RBM27: variants seen among roughly 807,000 people sequenced by gnomAD.
RBM27 encodes the protein RNA binding motif protein 27.
RBM27 carries 22 observed loss-of-function variants against 135.3 expected under a neutral mutation model. That is an observed-to-expected ratio of 0.16 (90% confidence interval 0.12 to 0.23). The LOEUF (loss-of-function observed/expected upper bound fraction) is 0.23. Among genes scored for constraint, RBM27 ranks in the 10% least tolerant of loss-of-function variants. The pLI is 1.00. For synonymous variants in RBM27, 481 were observed against 442.4 expected (o/e 1.09, Z -1.10); for missense variants, 1,009 against 1,281.0 (o/e 0.79, Z 3.24).
At chr5:146,258,099 G>A (rs988946386) in intron 10 of RBM27, among the ~76,000 whole-genome samples, 19 of 152,054 alleles carry the variant, frequency 1.2e-4, no homozygotes, top group Admixed American at 2.0e-4. Context: ...AATTACAGGC[G>A]TGAGCCACCG....
At chr5:146,233,844 G>A in intron 7 of RBM27, 101 bp downstream of exon 7, 1 of 787,656 alleles carries the variant, frequency 1.3e-6, no homozygotes, top group Non-Finnish European at 1.8e-6. Context: ...GAGAAATAGA[G>A]TAATAATATA....
intron 19 of RBM27, among the ~76,000 whole-genome samples, chr5:146,276,871 A>G (rs560927303): frequency 6.6e-6 from 1 of 152,312 alleles, no homozygotes; most frequent in African/African-American, 2.4e-5. Context: ...CCTGGGCAGC[A>G]TAGTGAGACC....
intron 6 of RBM27, 117 bp from the exon 7 acceptor site, chr5:146,233,333 C>T (rs1757017385): frequency 1.4e-6 from 2 of 1,452,498 alleles, no homozygotes; most frequent in South Asian, 3.1e-5. Context: ...ACTTTGGATT[C>T]CTTGGAGAAA....
In RBM27 at chr5:146,285,956, A is replaced by G; in HGVS notation, c.3109A>G (p.Thr1037Ala). The change falls in exon 21 of 21, where the codon ACC becomes GCC. Residue 1037 changes from threonine to alanine, a missense_variant. Thr to Ala is a moderately conservative substitution (Grantham distance 58). Around this residue, in one of 6 missense-constraint regions of RBM27, gnomAD observed 355 missense variants for 427.3 expected, o/e 0.83. Coordinates refer to ENST00000265271, the MANE Select transcript of RBM27 (RefSeq NM_018989.2). ...EEEVKEEETE[T>A]SDLFLPDDDD... ...ACCTCTCTTTCTTCAGGAAACAGAA[A>G]CCTCAGATTTGTTTTTGCCTGATGA... The G allele has an allele frequency of 2.5e-6, 4 of 1,612,060 alleles. No homozygotes were observed. The highest frequency in any genetic ancestry group is 3.4e-6 in the Non-Finnish European group (4 of 1,178,758).
intron 11 of RBM27, among the ~76,000 whole-genome samples, chr5:146,260,169 T>C (rs1758329402): frequency 6.6e-6 from 1 of 151,264 alleles, no homozygotes; most frequent in African/African-American, 2.4e-5. Flanking sequence ...CGTGTTGGCA[T>C]GCACCTGTAA....
At chr5:146,231,286 G>A (rs928611143) in intron 6 of RBM27, among the ~76,000 whole-genome samples, 2 of 152,078 alleles carry the variant, frequency 1.3e-5, no homozygotes, top group South Asian at 2.1e-4. Context: ...TGTGTTTTTA[G>A]TAGAGACAGG....
At chr5:146,256,826 C>T (rs1450767812) in intron 10 of RBM27, among the ~76,000 whole-genome samples, 1 of 152,034 alleles carries the variant, frequency 6.6e-6, no homozygotes, top group Non-Finnish European at 1.5e-5. Flanking sequence ...TCTTTGTTGT[C>T]TTGGGTAAGT....
chr5:146,275,418 A>G (rs1483862621), intron 19 of RBM27, among the ~76,000 whole-genome samples: 1 of 151,656 alleles, frequency 6.6e-6, no homozygotes, highest in Non-Finnish European at 1.5e-5. Flanking sequence ...TTACAGGCGT[A>G]CACCTCCTGG....
chr5:146,235,181 A>G (rs1581172648), intron 7 of RBM27, among the ~76,000 whole-genome samples: 1 of 152,146 alleles, frequency 6.6e-6, no homozygotes, highest in African/African-American at 2.4e-5. Context: ...AGACTCAGTT[A>G]TAGAATTATA....
chr5:146,259,905 A>C (rs1006260029), intron 11 of RBM27, among the ~76,000 whole-genome samples: 1 of 143,686 alleles, frequency 7.0e-6, no homozygotes, highest in Non-Finnish European at 1.5e-5. Flanking sequence ...CCCGGGAAGC[A>C]GAGCTTGCAG....
intron 3 of RBM27, among the ~76,000 whole-genome samples, chr5:146,227,133 G>A (rs1015588415): frequency 6.6e-6 from 1 of 152,182 alleles, no homozygotes; most frequent in Non-Finnish European, 1.5e-5. Context: ...GATCACCAGG[G>A]TAAGAGAATT....
rs1419343137 is a variant in RBM27, at chr5:146,275,509, C to T, written c.2988+3835C>T. On this transcript the variant is annotated intron_variant, in intron 19 of 20. Transcript: ENST00000265271. ...TCTCAAACTCCTGACCTCAGGTGATCCACTGCCTTAGCCTCCCAAAGTGCT... is the reference window on the plus strand; with the variant it reads ...TCTCAAACTCCTGACCTCAGGTGATTCACTGCCTTAGCCTCCCAAAGTGCT... Among the ~76,000 whole-genome samples, 6 of 152,178 alleles carry T rather than the reference C, an allele frequency of 3.9e-5. No homozygotes were observed. The South Asian group carries it at 1.2e-3, about 32-fold the overall frequency.
In RBM27 at chr5:146,255,228, A is replaced by G. The variant is rs930234188; in HGVS notation, c.1594+136A>G. On this transcript the variant is annotated intron_variant, in intron 10 of 20. Coordinates refer to ENST00000265271, the MANE Select transcript of RBM27 (RefSeq NM_018989.2). Reference sequence around the variant, plus strand: ...ATATATTATCTCTTTGGAGGGTGCTATGTATTAATCTCAGATTTTTTAAAT... The same window carrying G: ...ATATATTATCTCTTTGGAGGGTGCTGTGTATTAATCTCAGATTTTTTAAAT... The G allele has an allele frequency of 2.5e-5, 16 of 635,422 alleles. No homozygotes were observed. In the Middle Eastern group the frequency reaches 8.6e-4, roughly 34 times the overall value. 39.4% of individuals were successfully genotyped at this position (635,422 alleles called of 1,614,324 possible). A position where few individuals can be genotyped will look rare whatever the true frequency, so the allele number is the denominator to read the frequency against.
intron 17 of RBM27, among the ~76,000 whole-genome samples, chr5:146,270,007 A>G (rs1177581792): frequency 6.6e-6 from 1 of 152,180 alleles, no homozygotes; most frequent in Non-Finnish European, 1.5e-5. Context: ...TGACACTATT[A>G]AAGTGATGGT....
At chr5:146,205,286 T>C (rs1755584936) in intron 1 of RBM27, among the ~76,000 whole-genome samples, 1 of 152,230 alleles carries the variant, frequency 6.6e-6, no homozygotes, top group African/African-American at 2.4e-5. Context: ...GAAAGAATCA[T>C]GTTTTGCCTC....
chr5:146,289,133 A>G lies in RBM27; in HGVS notation c.*3103A>G, dbSNP rs78748150. ...GCAATATGGAATGGTTCACAATTGG[A>G]AAAAAAAAAGAAAAAAGATGAAAGT... On this transcript the variant is annotated 3_prime_UTR_variant, in exon 21 of 21. Transcript: ENST00000265271. 3.4e-5 allele frequency: 5 copies of G among 148,050 alleles called. No individual in the cohort carries two copies. Among genetic ancestry groups the G allele is most frequent in the Admixed American group, 2.0e-4 (3 of 14,872 alleles). 9.2% of individuals were successfully genotyped at this position (148,050 alleles called of 1,614,324 possible).
intron 19 of RBM27, among the ~76,000 whole-genome samples, chr5:146,276,435 C>T (rs1759096102): frequency 6.6e-6 from 1 of 152,118 alleles, no homozygotes; most frequent in African/African-American, 2.4e-5. Flanking sequence ...TATGTTCTTA[C>T]TGGCAAAAAC....
chr5:146,269,322 A>G (rs1461576841), intron 16 of RBM27, 41 bp downstream of exon 16: 1 of 1,513,066 alleles, frequency 6.6e-7, no homozygotes, highest in South Asian at 1.2e-5. Context: ...GAATTGATGT[A>G]TAGAATTGAT....
intron 14 of RBM27, among the ~76,000 whole-genome samples, chr5:146,264,654 T>TAAAAAAAAAAAAAA (rs35210934): frequency 1.0e-5 from 1 of 97,904 alleles, no homozygotes; most frequent in Non-Finnish European, 2.1e-5. Context: ...CAAAGAGAGC[T>TAAAAAAAAAAAAAA]AAAAAAAAAA....
Sources: allele counts gnomAD v4.1 joint callset (sites outside exome capture counted in the v4.1 genomes callset), GRCh38; gene constraint gnomAD v4.1.1; regional missense constraint gnomAD v4.1.1; transcripts MANE v1.5; gene names NCBI Gene and HGNC (gene_info 2026-07-23, HGNC 2026-07-21).